Variants in PEPD observed in about 807,000 individuals in gnomAD.
PEPD encodes the protein xaa-Pro dipeptidase.
PEPD carries 53 observed loss-of-function variants against 60.7 expected under a neutral mutation model. The observed-to-expected ratio is 0.87, with a 90% CI of 0.70 to 1.10. PEPD has a LOEUF of 1.10. Among genes scored for constraint, PEPD ranks in the 50% least tolerant of loss-of-function variants. PEPD has a pLI of 0.00. For synonymous variants in PEPD, 267 were observed against 284.1 expected (o/e 0.94, Z 0.60); for missense variants, 711 against 711.9 (o/e 1.00, Z 0.01).
At chr19:33,467,843 G>C (rs1235329634) in intron 7 of PEPD, among the ~76,000 whole-genome samples, 1 of 152,184 alleles carries the variant, frequency 6.6e-6, no homozygotes, top group Non-Finnish European at 1.5e-5. Flanking sequence ...ATGAGGTGCT[G>C]TCCATAATGG....
intron 6 of PEPD, among the ~76,000 whole-genome samples, chr19:33,489,445 A>G (rs1970455987): frequency 6.6e-6 from 1 of 152,128 alleles, no homozygotes; most frequent in Admixed American, 6.5e-5. Context: ...CCTGGCCAAC[A>G]TGGCAAAACC....
Position 33,521,336 on chromosome 19 carries a change from T to G in PEPD, c.17+408A>C, listed in dbSNP as rs1331720327. ...TTGGCCCCTGAAAGAAATGGGGAAG[T>G]GCCCTGCTGGGAAAAGGGAATTCCA... On this transcript the variant is annotated intron_variant, in intron 1 of 14. Transcript: ENST00000244137. Among the ~76,000 whole-genome samples, 3 of 152,202 alleles carry G rather than the reference T, an allele frequency of 2.0e-5. No homozygotes were observed. In the East Asian group the frequency reaches 5.8e-4, roughly 29 times the overall value.
At chr19:33,427,741 G>A (rs1969181647) in intron 9 of PEPD, among the ~76,000 whole-genome samples, 1 of 150,372 alleles carries the variant, frequency 6.7e-6, no homozygotes, top group African/African-American at 2.5e-5. Flanking sequence ...AACAGATCTT[G>A]TTTTTAAATA....
chr19:33,494,766 A>C (rs946063442), intron 4 of PEPD, among the ~76,000 whole-genome samples: 2 of 152,214 alleles, frequency 1.3e-5, no homozygotes, highest in Non-Finnish European at 2.9e-5. Flanking sequence ...TACAGATTAG[A>C]GAACTTGCCT....
chr19:33,436,804 G>GGCA (rs1969386511), intron 9 of PEPD, among the ~76,000 whole-genome samples: 1 of 152,218 alleles, frequency 6.6e-6, no homozygotes, highest in Non-Finnish European at 1.5e-5. Context: ...CTAGCTCTCT[G>GGCA]GGTGCGAAGA....
intron 3 of PEPD, among the ~76,000 whole-genome samples, chr19:33,502,933 T>G (rs1216474541): frequency 3.2e-5 from 3 of 93,294 alleles, no homozygotes; most frequent in Non-Finnish European, 6.4e-5. Context: ...GTCAAGACCC[T>G]CTACGGATAA....
chr19:33,474,011 C>G (rs867350425), intron 7 of PEPD, among the ~76,000 whole-genome samples: 4 of 152,230 alleles, frequency 2.6e-5, no homozygotes, highest in Middle Eastern at 3.2e-3. Flanking sequence ...GCCTTCCAAT[C>G]AAGACAGGCT....
intron 9 of PEPD, among the ~76,000 whole-genome samples, chr19:33,437,862 C>A (rs1356809295): frequency 6.6e-6 from 1 of 152,154 alleles, no homozygotes; most frequent in Non-Finnish European, 1.5e-5. Context: ...CAGTTTCTGG[C>A]ACATAATCTC....
chr19:33,486,423 A>C (rs1970398054), intron 6 of PEPD, among the ~76,000 whole-genome samples: 1 of 150,696 alleles, frequency 6.6e-6, no homozygotes, highest in South Asian at 2.1e-4. Flanking sequence ...CGGACCCCAA[A>C]CTCACAAGCC....
intron 6 of PEPD, among the ~76,000 whole-genome samples, chr19:33,487,650 C>A (rs1600155258): frequency 6.6e-6 from 1 of 152,200 alleles, no homozygotes; most frequent in Non-Finnish European, 1.5e-5. Context: ...GAGCACCCCC[C>A]AGTCAGCCCC....
intron 13 of PEPD, chr19:33,389,100 C>T (rs769183770): frequency 1.3e-5 from 2 of 152,338 alleles, no homozygotes; most frequent in African/African-American, 2.4e-5. Flanking sequence ...ACATCAGACT[C>T]CAATTAGCAG....
intron 1 of PEPD, 133 bp from the exon 2 acceptor site, chr19:33,512,909 A>G: frequency 4.4e-6 from 4 of 913,326 alleles, no homozygotes; most frequent in Admixed American, 1.9e-5. Context: ...AAGCTGCCCA[A>G]GCTCCACCTA....
intron 2 of PEPD, among the ~76,000 whole-genome samples, chr19:33,512,200 C>T (rs1306018668): frequency 6.6e-6 from 1 of 152,204 alleles, no homozygotes; most frequent in Non-Finnish European, 1.5e-5. Context: ...CCAGCTCCAC[C>T]TCTTGGCAAG....
intron 3 of PEPD, among the ~76,000 whole-genome samples, chr19:33,509,654 T>C (rs939663801): frequency 2.0e-5 from 3 of 152,216 alleles, no homozygotes. Context: ...CACCTGGTAA[T>C]GAGCATTCTG....
chr19:33,479,748 A>C (rs962644593), intron 6 of PEPD, among the ~76,000 whole-genome samples: 1 of 152,184 alleles, frequency 6.6e-6, no homozygotes, highest in Non-Finnish European at 1.5e-5. Flanking sequence ...AAAGGACATG[A>C]TCTCATTCTT....
chr19:33,439,783 G>A (rs1010418480), intron 9 of PEPD, among the ~76,000 whole-genome samples: 2 of 152,194 alleles, frequency 1.3e-5, no homozygotes, highest in African/African-American at 4.8e-5. Flanking sequence ...GTGATTAAAT[G>A]AGATCACAAC....
intron 8 of PEPD, among the ~76,000 whole-genome samples, 196 bp from the exon 9 acceptor site, chr19:33,463,237 A>T (rs1445851519): frequency 2.6e-5 from 4 of 152,240 alleles, no homozygotes; most frequent in African/African-American, 7.2e-5. Context: ...GTTTATTTAA[A>T]CTGCTATGAA....
At chr19:33,503,487 G>C (rs529619245) in intron 3 of PEPD, among the ~76,000 whole-genome samples, 10 of 152,324 alleles carry the variant, frequency 6.6e-5, no homozygotes, top group Middle Eastern at 3.4e-3. Context: ...GGCACGAATT[G>C]ATGACGAGCG....
In PEPD at chr19:33,495,806, T is replaced by G. The variant is rs374571803; in HGVS notation, c.394-2469A>C. 2.4e-4 allele frequency among the ~76,000 whole-genome samples: 37 copies of G among 152,138 alleles called. 1 individual carries two copies. In the East Asian group the frequency reaches 5.2e-3, roughly 22 times the overall value. On this transcript the variant is annotated intron_variant, in intron 4 of 14. Coordinates refer to ENST00000244137, the MANE Select transcript of PEPD (RefSeq NM_000285.4). ...TTCAAGACCAGCCTGGCCAACATGA[T>G]GAAACCCCGTCTCTATTAAAAATAC...
Sources: gnomAD v4.1 joint callset for allele counts (sites outside exome capture counted in the v4.1 genomes callset) on GRCh38, gnomAD v4.1.1 for gene constraint, MANE v1.5 for transcripts, NCBI Gene and HGNC (gene_info 2026-07-23, HGNC 2026-07-21) for gene names.